The following GRM8 variants were observed in gnomAD, a reference collection of about 807,000 sequenced individuals.
GRM8 encodes the protein metabotropic glutamate receptor 8.
A neutral mutation model predicts 87.2 loss-of-function variants in GRM8; 47 were observed. That is an observed-to-expected ratio of 0.54 (90% confidence interval 0.43 to 0.69). The LOEUF (loss-of-function observed/expected upper bound fraction) is 0.69, where lower values mean the gene tolerates loss of function less well. GRM8 is among the 30% of genes least tolerant of loss of function. GRM8 has a pLI of 0.00. For missense variants in GRM8, 1,019 were observed against 1,139.2 expected (o/e 0.89, Z 1.52); for synonymous variants, 396 against 404.5 (o/e 0.98, Z 0.25).
intron 2 of GRM8, among the ~76,000 whole-genome samples, chr7:127,118,627 T>A (rs1281381549): frequency 1.3e-5 from 2 of 152,236 alleles, no homozygotes; most frequent in African/African-American, 2.4e-5. Context: ...ATTTCATGAA[T>A]GACTAAACCA....
At chr7:126,816,627 C>CATGATG (rs751131067) in intron 6 of GRM8, among the ~76,000 whole-genome samples, 1 of 151,666 alleles carries the variant, frequency 6.6e-6, no homozygotes, top group East Asian at 1.9e-4. Flanking sequence ...GATTAAATGT[C>CATGATG]ATGATGATGA....
chr7:126,801,602 T>C (rs1822707595), intron 6 of GRM8, among the ~76,000 whole-genome samples: 1 of 82,366 alleles, frequency 1.2e-5, no homozygotes, highest in South Asian at 3.8e-4. Flanking sequence ...TTCTGTATTA[T>C]ATAATTTTCT....
At chr7:127,022,565 G>T (rs961367441) in intron 3 of GRM8, among the ~76,000 whole-genome samples, 1 of 151,886 alleles carries the variant, frequency 6.6e-6, no homozygotes, top group Admixed American at 6.6e-5. Context: ...AAGGGATTTC[G>T]CTTCAGGCCA....
At chr7:126,930,302 G>C (rs1460199120) in intron 3 of GRM8, among the ~76,000 whole-genome samples, 1 of 152,184 alleles carries the variant, frequency 6.6e-6, no homozygotes, top group Non-Finnish European at 1.5e-5. Context: ...GACCTCATAA[G>C]AGCTGACATG....
rs182304954 is a variant in GRM8, at chr7:126,653,215, T to A, written c.1358-43717A>T. Among the ~76,000 whole-genome samples, 330 of 150,318 alleles carry A rather than the reference T, an allele frequency of 2.2e-3. 1 individual carries two copies. Among genetic ancestry groups the A allele is most frequent in the African/African-American group, 7.8e-3 (316 of 40,752 alleles). ...CTATTAGGGAGGCTGAGGTGGAGGA[T>A]CACTTGATCCCAGGAGTTTGAGGCT... On this transcript the variant is annotated intron_variant, in intron 7 of 10. Transcript: ENST00000339582.
chr7:127,033,801 G>A (rs990633050), intron 3 of GRM8, among the ~76,000 whole-genome samples: 1 of 152,072 alleles, frequency 6.6e-6, no homozygotes, highest in Non-Finnish European at 1.5e-5. Context: ...ATAAATTCTG[G>A]ACACATAAAA....
chr7:126,813,713 A>G (rs191357570), intron 6 of GRM8, among the ~76,000 whole-genome samples: 6 of 152,204 alleles, frequency 3.9e-5, no homozygotes, highest in African/African-American at 1.4e-4. Context: ...TCCATTCTCC[A>G]TGAAACTTGT....
At chr7:126,686,912 C>G (rs1163412371) in intron 7 of GRM8, among the ~76,000 whole-genome samples, 1 of 152,206 alleles carries the variant, frequency 6.6e-6, no homozygotes, top group Non-Finnish European at 1.5e-5. Flanking sequence ...GAAAAACCAG[C>G]CCAGGAATTA....
chr7:126,532,764 GATATATATATATATATATATATATAT>G (rs521), intron 9 of GRM8, among the ~76,000 whole-genome samples, 162 bp downstream of exon 9: 8,291 of 110,982 alleles, frequency 0.075, 586 homozygotes, highest in African/African-American at 0.12. Context: ...GACGGATGGA[GATATATATATATATATATATATATAT>G]ATATATATAT....
chr7:126,749,120 GT>G (rs1816080353), intron 7 of GRM8, among the ~76,000 whole-genome samples: 1 of 151,768 alleles, frequency 6.6e-6, no homozygotes, highest in African/African-American at 2.4e-5. Context: ...ACCAAAAAAT[GT>G]TTAAAAATTA....
chr7:127,018,119 A>T (rs1302698716), intron 3 of GRM8, among the ~76,000 whole-genome samples: 1 of 152,022 alleles, frequency 6.6e-6, no homozygotes, highest in African/African-American at 2.4e-5. Flanking sequence ...ACACATACAC[A>T]CATACAGACC....
intron 6 of GRM8, among the ~76,000 whole-genome samples, chr7:126,867,318 C>T (rs967615231): frequency 1.2e-4 from 19 of 152,176 alleles, no homozygotes; most frequent in Non-Finnish European, 1.0e-4. Context: ...ATTTCTTACA[C>T]TGCCCCGATG....
chr7:126,705,161 G>C (rs1810363994), intron 7 of GRM8, among the ~76,000 whole-genome samples: 1 of 152,026 alleles, frequency 6.6e-6, no homozygotes, highest in African/African-American at 2.4e-5. Flanking sequence ...ATGACTATCG[G>C]GGGCAGGTTC....
intron 6 of GRM8, among the ~76,000 whole-genome samples, chr7:126,862,827 C>T (rs576162761): frequency 1.3e-5 from 2 of 151,838 alleles, no homozygotes; most frequent in Non-Finnish European, 2.9e-5. Context: ...CTCATATTGC[C>T]TGTATGTGTT....
At chr7:126,895,747 C>T (rs535180265) in intron 6 of GRM8, among the ~76,000 whole-genome samples, 160 of 152,094 alleles carry the variant, frequency 1.1e-3, no homozygotes, top group Non-Finnish European at 1.8e-3. Context: ...GGCCAGGGAA[C>T]TGGATGTAAA....
At chr7:127,216,893 C>T (rs765768343) in intron 2 of GRM8, among the ~76,000 whole-genome samples, 10 of 152,172 alleles carry the variant, frequency 6.6e-5, no homozygotes, top group Non-Finnish European at 1.3e-4. Flanking sequence ...AAATGAGACA[C>T]ACTTTGAGAG....
At chr7:126,859,577 A>G (rs1302796153) in intron 6 of GRM8, among the ~76,000 whole-genome samples, 1 of 152,230 alleles carries the variant, frequency 6.6e-6, no homozygotes, top group Non-Finnish European at 1.5e-5. Flanking sequence ...TGTACCATTC[A>G]TGTTTAAGAG....
chr7:126,505,586 G>GA (rs149814108), intron 9 of GRM8, among the ~76,000 whole-genome samples: 2,812 of 152,118 alleles, frequency 0.018, 107 homozygotes, highest in African/African-American at 0.064. Context: ...TCCTAACAAG[G>GA]AAAATTGAGG....
At chr7:126,837,445 C>A (rs1220663106) in intron 6 of GRM8, among the ~76,000 whole-genome samples, 2 of 152,172 alleles carry the variant, frequency 1.3e-5, no homozygotes, top group African/African-American at 2.4e-5. Context: ...TATGAATAAA[C>A]AAGAAAACTG....
Sources: gnomAD v4.1 joint callset for allele counts (sites outside exome capture counted in the v4.1 genomes callset) on GRCh38, gnomAD v4.1.1 for gene constraint, MANE v1.5 for transcripts, NCBI Gene and HGNC (gene_info 2026-07-23, HGNC 2026-07-21) for gene names.